The following TNFSF8 variants were observed in gnomAD, a reference collection of about 807,000 sequenced individuals.
The protein encoded by TNFSF8 is tumor necrosis factor ligand superfamily member 8.
Under a neutral mutation model 22.0 loss-of-function variants are expected in TNFSF8, and 4 were observed. The observed-to-expected ratio is 0.18, with a 90% CI of 0.09 to 0.42. TNFSF8 has a LOEUF of 0.42. Ranked by LOEUF, TNFSF8 falls within the 10% of genes least tolerant of loss-of-function variation. The pLI is 1.00. For missense variants in TNFSF8, 233 were observed against 281.8 expected, an observed-to-expected ratio of 0.83 and a Z score of 1.24; for synonymous variants, 106 against 112.5, an observed-to-expected ratio of 0.94 and a Z score of 0.37.
Position 114,904,240 on chromosome 9 carries a change from C to T in TNFSF8, c.396G>A (p.Val132=). The T allele has an allele frequency of 6.2e-7, 1 of 1,614,100 alleles. No homozygotes were observed. The highest frequency in any genetic ancestry group is 8.5e-7 in the Non-Finnish European group (1 of 1,179,980). ...TGAAGTACAAACCAGGGAATTGGAT[C>T]ACCAGATTCCCATCCTGATATCTGA... ...HGVRYQDGNL[V]IQFPGLYFII... is the part of the protein sequence containing the mutation. The change falls in exon 4 of 4, where the codon GTG becomes GTA. Residue 132 remains valine, a synonymous_variant. Coordinates refer to ENST00000223795, the MANE Select transcript of TNFSF8 (RefSeq NM_001244.4).
At chr9:114,897,988 A>G (rs929504853), downstream of TNFSF8, among the ~76,000 whole-genome samples, 2 of 146,480 alleles carry the variant, frequency 1.4e-5, no homozygotes, top group African/African-American at 5.2e-5. Context: ...TATATAAAGA[A>G]TGGGGATAAT....
chr9:114,914,848 C>T (rs1350356316), intron 2 of TNFSF8, among the ~76,000 whole-genome samples: 2 of 152,154 alleles, frequency 1.3e-5, no homozygotes, highest in Non-Finnish European at 2.9e-5. Flanking sequence ...GAATGGGAAG[C>T]TTGTGATAGG....
chr9:114,926,717 TTATTATA>T (rs1377292981), intron 1 of TNFSF8, among the ~76,000 whole-genome samples: 3 of 152,058 alleles, frequency 2.0e-5, no homozygotes, highest in Admixed American at 6.6e-5. Flanking sequence ...ACCCATGGGT[TTATTATA>T]TATTATAATG....
chr9:114,905,476 T>C, intron 3 of TNFSF8, among the ~76,000 whole-genome samples: 1 of 151,170 alleles, frequency 6.6e-6, no homozygotes, highest in Non-Finnish European at 1.5e-5. Flanking sequence ...AAAAGGACTG[T>C]GTACTTTGCT....
chr9:114,929,420 G>A (rs960298195), intron 1 of TNFSF8, among the ~76,000 whole-genome samples: 5 of 149,374 alleles, frequency 3.3e-5, no homozygotes, highest in Admixed American at 6.7e-5. Flanking sequence ...GGAAGCTTTC[G>A]ATTTGTCTTG....
At chr9:114,894,218 A>G in intron 4 of TNFSF8, 1 of 1,446,864 alleles carries the variant, frequency 6.9e-7, no homozygotes, top group Non-Finnish European at 9.4e-7. Context: ...GATGTGATAC[A>G]TTTTGACGTT....
At chr9:114,916,777 T>C (rs1375383679) in intron 2 of TNFSF8, among the ~76,000 whole-genome samples, 2 of 152,156 alleles carry the variant, frequency 1.3e-5, no homozygotes, top group Non-Finnish European at 2.9e-5. Flanking sequence ...GGCTCAGCAC[T>C]ACAACAGCAG....
chr9:114,924,874 G>A (rs1201596423), intron 1 of TNFSF8, among the ~76,000 whole-genome samples: 1 of 152,180 alleles, frequency 6.6e-6, no homozygotes, highest in East Asian at 1.9e-4. Context: ...TTCCACTGGG[G>A]ACCTCCCCAC....
intron 1 of TNFSF8, among the ~76,000 whole-genome samples, chr9:114,925,326 C>T (rs1292890659): frequency 6.6e-6 from 1 of 152,140 alleles, no homozygotes; most frequent in Non-Finnish European, 1.5e-5. Context: ...CCCTTAATGG[C>T]CTCCACCTGG....
intron 1 of TNFSF8, among the ~76,000 whole-genome samples, chr9:114,918,682 A>G (rs1587937849): frequency 6.6e-6 from 1 of 152,152 alleles, no homozygotes; most frequent in South Asian, 2.1e-4. Flanking sequence ...GCTCACTGCA[A>G]CCTCCGCCTC....
chr9:114,927,234 T>C (rs1828074873), intron 1 of TNFSF8, among the ~76,000 whole-genome samples: 2 of 151,932 alleles, frequency 1.3e-5, no homozygotes, highest in Admixed American at 6.6e-5. Flanking sequence ...GTAAGTTCCA[T>C]AGTAACTCAA....
At chr9:114,916,719 GTT>G (rs1827923630) in intron 2 of TNFSF8, among the ~76,000 whole-genome samples, 1 of 152,092 alleles carries the variant, frequency 6.6e-6, no homozygotes. Flanking sequence ...GATAAATAAC[GTT>G]TTATGGAAAT....
intron 2 of TNFSF8, among the ~76,000 whole-genome samples, chr9:114,911,656 C>T (rs549189156): frequency 3.3e-4 from 51 of 152,270 alleles, no homozygotes; most frequent in African/African-American, 1.2e-3. Flanking sequence ...TGACTGAGCA[C>T]ATAGGAAGTG....
intron 1 of TNFSF8, among the ~76,000 whole-genome samples, chr9:114,925,392 ACG>A (rs1828045122): frequency 6.6e-6 from 1 of 152,124 alleles, no homozygotes; most frequent in African/African-American, 2.4e-5. Context: ...CCCATGTTCC[ACG>A]GGATGGGCTG....
At chr9:114,928,207 T>C (rs1240847812) in intron 1 of TNFSF8, among the ~76,000 whole-genome samples, 1 of 152,178 alleles carries the variant, frequency 6.6e-6, no homozygotes, top group African/African-American at 2.4e-5. Context: ...AGGAAGTGGA[T>C]GCACAAGAAG....
Position 114,904,374 on chromosome 9 carries a change from C to G in TNFSF8, c.311-49G>C, listed in dbSNP as rs112593205. On this transcript the variant is annotated intron_variant, in intron 3 of 3. Transcript: ENST00000223795. ...AGAATTATTGAGAAGATTGTAGGTA[C>G]GCATTGCAAAATTCTAAGTCTTTGT... The G allele has an allele frequency of 8.7e-5, 133 of 1,534,160 alleles. 2 individuals are homozygous for G. In the Admixed American group the frequency reaches 1.4e-3, roughly 16 times the overall value.
Position 114,916,611 on chromosome 9 carries a change from G to T in TNFSF8, c.238+1485C>A, listed in dbSNP as rs550128489. Reference sequence around the variant, plus strand: ...AGCCTTTTGGTTTTTCCAAAGCTCCGTGTGAACGTGCATTACATGTTTAAC... The same window carrying T: ...AGCCTTTTGGTTTTTCCAAAGCTCCTTGTGAACGTGCATTACATGTTTAAC... On this transcript the variant is annotated intron_variant, in intron 2 of 3. Coordinates refer to ENST00000223795, the MANE Select transcript of TNFSF8 (RefSeq NM_001244.4). Among the ~76,000 whole-genome samples the T allele has an allele frequency of 2.6e-5, 4 of 152,272 alleles. No homozygotes were observed. The East Asian group carries it at 7.7e-4, about 29-fold the overall frequency.
At position 114,901,404 on chromosome 9, in the gene TNFSF8, G is replaced by T. The variant is rs1257610513; in HGVS notation, c.*2527C>A. On this transcript the variant is annotated 3_prime_UTR_variant, in exon 4 of 4. Coordinates refer to ENST00000223795, the MANE Select transcript of TNFSF8 (RefSeq NM_001244.4). ...TTTAGGTGTTGGCTTTCTTAGCATT[G>T]CTTGACAGAGACTGAGATTAGAAAC... 3 of 985,208 alleles carry T rather than the reference G, an allele frequency of 3.0e-6. No homozygotes were observed. 61.0% of individuals were successfully genotyped at this position (985,208 alleles called of 1,614,324 possible).
Position 114,930,325 on chromosome 9 carries a change from A to C in TNFSF8, c.-22T>G, listed in dbSNP as rs1022196082. On this transcript the variant is annotated 5_prime_UTR_variant, in exon 1 of 4. It removes an upstream start codon present in the reference 5' UTR. Transcript: ENST00000223795. ...CCATTCTTTATATAGTCTTCCCCACATCACACCTTATCTCTCTTCATCTGA... is the reference window on the plus strand; with the variant it reads ...CCATTCTTTATATAGTCTTCCCCACCTCACACCTTATCTCTCTTCATCTGA... 4.1e-6 allele frequency: 6 copies of C among 1,463,588 alleles called. No homozygotes were observed. Among genetic ancestry groups the C allele is most frequent in the Non-Finnish European group, 5.5e-6 (6 of 1,098,252 alleles). The allele number at this position is 1,463,588 out of a possible 1,614,324, so 90.7% of individuals were successfully genotyped here.
Sources: allele counts gnomAD v4.1 joint callset (sites outside exome capture counted in the v4.1 genomes callset), GRCh38; gene constraint gnomAD v4.1.1; transcripts MANE v1.5; gene names NCBI Gene and HGNC (gene_info 2026-07-23, HGNC 2026-07-21).